The following SRPK2 variants were observed in gnomAD, a reference collection of about 807,000 sequenced individuals.
SRPK2 encodes the protein SFRS protein kinase 2.
SRPK2 carries 21 observed loss-of-function variants against 90.8 expected under a neutral mutation model. The ratio of observed to expected loss-of-function variants is 0.23; its 90% CI spans 0.16 to 0.33. The LOEUF (loss-of-function observed/expected upper bound fraction) is 0.33. Ranked by LOEUF, SRPK2 falls within the 10% of genes least tolerant of loss-of-function variation. SRPK2 has a pLI of 1.00. For missense variants in SRPK2, 620 were observed against 869.0 expected, an observed-to-expected ratio of 0.71 and a Z score of 3.60; for synonymous variants, 288 against 311.1, an observed-to-expected ratio of 0.93 and a Z score of 0.78.
chr7:105,357,407 C>T (rs997094030), intron 2 of SRPK2, among the ~76,000 whole-genome samples: 4 of 152,198 alleles, frequency 2.6e-5, no homozygotes, highest in Non-Finnish European at 5.9e-5. Flanking sequence ...AGTCTCCTCC[C>T]TGTCCCTTTA....
chr7:105,146,802 T>C, intron 7 of SRPK2, 144 bp from the exon 8 acceptor site: 2 of 811,390 alleles, frequency 2.5e-6, no homozygotes, highest in South Asian at 1.8e-5. Flanking sequence ...CTCCCTCCCA[T>C]GCCTACCCAC....
intron 2 of SRPK2, among the ~76,000 whole-genome samples, chr7:105,247,837 T>C (rs1198113636): frequency 6.6e-6 from 1 of 152,008 alleles, no homozygotes; most frequent in Admixed American, 6.6e-5. Context: ...ACTGGGATTA[T>C]AGGGCATGAG....
intron 2 of SRPK2, among the ~76,000 whole-genome samples, chr7:105,288,282 A>C (rs1228555600): frequency 6.6e-6 from 1 of 152,152 alleles, no homozygotes; most frequent in Non-Finnish European, 1.5e-5. Flanking sequence ...CTGAACTTAA[A>C]ATAAATAAAT....
chr7:105,246,621 C>T (rs552853376), intron 2 of SRPK2, among the ~76,000 whole-genome samples: 3 of 152,330 alleles, frequency 2.0e-5, no homozygotes, highest in African/African-American at 4.8e-5. Context: ...GAAGGGCCAA[C>T]ATTTAGATAA....
intron 2 of SRPK2, among the ~76,000 whole-genome samples, chr7:105,289,517 C>T (rs530481961): frequency 2.9e-4 from 44 of 152,158 alleles, no homozygotes; most frequent in African/African-American, 8.9e-4. Context: ...TGGGAAGCTG[C>T]GGCAGGAGGA....
intron 3 of SRPK2, among the ~76,000 whole-genome samples, chr7:105,201,894 A>G (rs1795608701): frequency 6.6e-6 from 1 of 152,218 alleles, no homozygotes. Context: ...AAAAAGAAAA[A>G]ACAAGAAAAG....
intron 2 of SRPK2, among the ~76,000 whole-genome samples, chr7:105,272,255 C>T (rs754825096): frequency 1.3e-5 from 2 of 152,078 alleles, no homozygotes; most frequent in Non-Finnish European, 2.9e-5. Context: ...AGTTGTATTC[C>T]CTATGGATGT....
intron 13 of SRPK2, 60 bp downstream of exon 13, chr7:105,132,731 T>A: frequency 7.4e-7 from 1 of 1,359,058 alleles, no homozygotes; most frequent in Non-Finnish European, 1.0e-6. Context: ...CTCAGCCCCA[T>A]CCAGAGTGTG....
At chr7:105,382,930 T>C (rs1489627999) in intron 2 of SRPK2, among the ~76,000 whole-genome samples, 7 of 152,136 alleles carry the variant, frequency 4.6e-5, no homozygotes, top group Admixed American at 2.0e-4. Flanking sequence ...TGTCAATTTA[T>C]TGGTTTCAAC....
At chr7:105,169,471 A>C (rs533883700) in intron 3 of SRPK2, among the ~76,000 whole-genome samples, 6 of 152,342 alleles carry the variant, frequency 3.9e-5, no homozygotes, top group African/African-American at 1.4e-4. Context: ...TTACACCTGT[A>C]ATCTCAGCAC....
intron 6 of SRPK2, among the ~76,000 whole-genome samples, chr7:105,166,575 C>G (rs1790096531): frequency 6.6e-6 from 1 of 152,104 alleles, no homozygotes; most frequent in African/African-American, 2.4e-5. Flanking sequence ...GACGAATTTA[C>G]AACAATTTAC....
intron 2 of SRPK2, among the ~76,000 whole-genome samples, chr7:105,275,864 A>G (rs373397833): frequency 6.6e-6 from 1 of 152,206 alleles, no homozygotes; most frequent in African/African-American, 2.4e-5. Context: ...CATTCAGATC[A>G]CTAAACCTGG....
chr7:105,222,270 A>G (rs1798188643), intron 2 of SRPK2, among the ~76,000 whole-genome samples: 3 of 152,230 alleles, frequency 2.0e-5, no homozygotes, highest in Admixed American at 1.3e-4. Flanking sequence ...ACCAGGAAGA[A>G]TCTTTATTGG....
At chr7:105,243,865 G>C (rs1173174310) in intron 2 of SRPK2, among the ~76,000 whole-genome samples, 1 of 152,182 alleles carries the variant, frequency 6.6e-6, no homozygotes, top group Non-Finnish European at 1.5e-5. Flanking sequence ...AAATTTACCA[G>C]TCCAATCCAG....
chr7:105,167,565 T>TA lies in SRPK2; in HGVS notation c.427-102dup, dbSNP rs1790236541. On this transcript the variant is annotated intron_variant, in intron 5 of 15. Coordinates refer to ENST00000393651, the MANE Select transcript of SRPK2 (RefSeq NM_182692.3). ...GTTTAAATAAAAGTATATTTTAAAA[T>TA]AAAAAATTCATCACAAAGTTATAAA... 9.8e-6 allele frequency: 6 copies of TA among 611,076 alleles called. No individual in the cohort carries two copies. The South Asian group carries it at 1.7e-4, about 17-fold the overall frequency. The allele number at this position is 611,076 out of a possible 1,614,324, so 37.9% of individuals were successfully genotyped here. A position where few individuals can be genotyped will look rare whatever the true frequency, so the allele number is the denominator to read the frequency against.
chr7:105,144,510 G>C (rs1804264687), intron 9 of SRPK2, among the ~76,000 whole-genome samples: 1 of 151,942 alleles, frequency 6.6e-6, no homozygotes, highest in Non-Finnish European at 1.5e-5. Context: ...CAAAGTGCAG[G>C]GATTACAGGC....
downstream of SRPK2, chr7:105,115,578 G>C (rs1799572419): frequency 6.6e-6 from 1 of 152,122 alleles, no homozygotes; most frequent in African/African-American, 2.4e-5. Context: ...CATAACCAGT[G>C]GTTCTCATTT....
intron 2 of SRPK2, among the ~76,000 whole-genome samples, chr7:105,281,410 T>C (rs1245053872): frequency 6.6e-6 from 1 of 152,140 alleles, no homozygotes; most frequent in Non-Finnish European, 1.5e-5. Flanking sequence ...AACTTTCAAC[T>C]GCAAAAACCG....
chr7:105,133,681 AAC>A (rs1286789206), intron 11 of SRPK2, among the ~76,000 whole-genome samples: 1 of 152,232 alleles, frequency 6.6e-6, no homozygotes, highest in Non-Finnish European at 1.5e-5. Flanking sequence ...TTGATTAACA[AAC>A]ACAGATTAAA....
Sources: gnomAD v4.1 joint callset for allele counts (sites outside exome capture counted in the v4.1 genomes callset) on GRCh38, gnomAD v4.1.1 for gene constraint, MANE v1.5 for transcripts, NCBI Gene and HGNC (gene_info 2026-07-23, HGNC 2026-07-21) for gene names.